The following PARD3B variants were observed in gnomAD, a reference collection of about 807,000 sequenced individuals.
The protein encoded by PARD3B is partitioning defective 3 homolog B.
PARD3B carries 103 observed loss-of-function variants against 130.2 expected under a neutral mutation model. The ratio of observed to expected loss-of-function variants is 0.79; its 90% CI spans 0.67 to 0.93. The LOEUF (loss-of-function observed/expected upper bound fraction) is 0.93. PARD3B is among the 40% of genes least tolerant of loss of function. The pLI is 0.00. For missense variants in PARD3B, 1,609 were observed against 1,499.2 expected, an observed-to-expected ratio of 1.07 and a Z score of -1.21; for synonymous variants, 583 against 553.2, an observed-to-expected ratio of 1.05 and a Z score of -0.76.
At chr2:205,448,915 C>T (rs916648028) in intron 20 of PARD3B, among the ~76,000 whole-genome samples, 1 of 152,040 alleles carries the variant, frequency 6.6e-6, no homozygotes, top group East Asian at 1.9e-4. Context: ...GCCTGTAATC[C>T]CAGCACTTTG....
intron 2 of PARD3B, among the ~76,000 whole-genome samples, chr2:204,964,806 TAA>T (rs1275834029): frequency 6.6e-6 from 1 of 152,152 alleles, no homozygotes; most frequent in Non-Finnish European, 1.5e-5. Flanking sequence ...AAGCACTCTT[TAA>T]TAAAGAGTTA....
At chr2:204,877,990 G>A (rs773358825) in intron 2 of PARD3B, among the ~76,000 whole-genome samples, 7 of 152,260 alleles carry the variant, frequency 4.6e-5, no homozygotes, top group South Asian at 2.1e-4. Context: ...TAGACAGGTT[G>A]TAAATGAAAA....
intron 18 of PARD3B, among the ~76,000 whole-genome samples, chr2:205,308,621 C>CAAAAA (rs1252730210): frequency 5.4e-5 from 5 of 93,072 alleles, no homozygotes; most frequent in Admixed American, 2.6e-4. Context: ...AAAAAAAAAC[C>CAAAAA]AAACAACAAA....
In PARD3B at chr2:205,446,919, G is replaced by C. The variant is rs1314821041; in HGVS notation, c.3044+6247G>C. 6.6e-6 allele frequency among the ~76,000 whole-genome samples: 1 copy of C among 152,198 alleles called. No individual in the cohort carries two copies. The highest frequency in any genetic ancestry group is 1.9e-4 in the East Asian group (1 of 5,188). On this transcript the variant is annotated intron_variant, in intron 20 of 22. Transcript: ENST00000406610. This position sits in a 1 kb window ranked among gnomAD's most constrained non-coding sequence, Gnocchi z 4.4. ...CAAAACAGTTCCAAATAGGGGGCTA[G>C]AAGGTATATGTGGCACACAGCACAA...
chr2:205,339,121 G>A (rs2043423384), intron 18 of PARD3B, among the ~76,000 whole-genome samples: 1 of 152,064 alleles, frequency 6.6e-6, no homozygotes, highest in Non-Finnish European at 1.5e-5. Flanking sequence ...AGCATCTCTT[G>A]ATGTAATGAT....
intron 18 of PARD3B, among the ~76,000 whole-genome samples, chr2:205,398,875 T>A (rs1166639060): frequency 6.6e-6 from 1 of 152,124 alleles, no homozygotes; most frequent in Non-Finnish European, 1.5e-5. Context: ...TCTTCAAAAT[T>A]TATATGTCAG....
At chr2:205,357,311 T>C (rs936636208) in intron 18 of PARD3B, among the ~76,000 whole-genome samples, 21 of 152,232 alleles carry the variant, frequency 1.4e-4, no homozygotes, top group African/African-American at 5.1e-4. Flanking sequence ...TGACTAGGTC[T>C]TACACACTTC....
chr2:204,801,434 C>T (rs2042564060), intron 2 of PARD3B, among the ~76,000 whole-genome samples: 1 of 152,074 alleles, frequency 6.6e-6, no homozygotes, highest in South Asian at 2.1e-4. Context: ...CTTCACATCC[C>T]TTGTAAGTTG....
intron 6 of PARD3B, among the ~76,000 whole-genome samples, chr2:205,115,732 T>C (rs1703976593): frequency 6.6e-6 from 1 of 152,166 alleles, no homozygotes; most frequent in African/African-American, 2.4e-5. Context: ...CAACTGTGTA[T>C]AGAGCATGTC....
chr2:205,485,552 T>G (rs1224181293), intron 20 of PARD3B, among the ~76,000 whole-genome samples: 1 of 152,170 alleles, frequency 6.6e-6, no homozygotes, highest in Non-Finnish European at 1.5e-5. Flanking sequence ...TTGTGATATA[T>G]GGGGTTACAG....
rs901723112 is a variant in PARD3B, at chr2:205,121,921, A to G, written c.1137A>G (p.Ala379=). The change falls in exon 8 of 23, where the codon GCA becomes GCG. Residue 379 remains alanine (A), a synonymous_variant. Coordinates refer to ENST00000406610, the MANE Select transcript of PARD3B (RefSeq NM_001302769.2). The surrounding 1 kb of genome is among the most constrained non-coding windows in gnomAD (Gnocchi z 5.0). The part of the protein sequence containing the change: ...PLMGFGSNKN[A]KKIKIDLKKG... ...TGGGATTTGGCAGCAATAAAAATGC[A>G]AAGAAAATTAAGATTGACCTAAAGA... 1.2e-6 allele frequency: 2 copies of G among 1,611,310 alleles called. No homozygotes were observed.
At chr2:205,090,085 G>T (rs1702011506) in intron 4 of PARD3B, among the ~76,000 whole-genome samples, 1 of 152,170 alleles carries the variant, frequency 6.6e-6, no homozygotes, top group African/African-American at 2.4e-5. Flanking sequence ...GAAGAGCAAG[G>T]TTTACATCAC....
chr2:205,465,873 G>A (rs1037848234), intron 20 of PARD3B, among the ~76,000 whole-genome samples: 8 of 152,236 alleles, frequency 5.3e-5, no homozygotes, highest in African/African-American at 1.7e-4. Context: ...GTGATAGGTT[G>A]AAAGCTGCCT....
intron 2 of PARD3B, among the ~76,000 whole-genome samples, chr2:204,950,369 T>A (rs1433549719): frequency 3.3e-5 from 5 of 152,228 alleles, no homozygotes; most frequent in African/African-American, 9.6e-5. Flanking sequence ...TCAGAGAAGC[T>A]AAATAACTTC....
At chr2:204,977,461 T>C (rs930487069) in intron 3 of PARD3B, among the ~76,000 whole-genome samples, 2 of 152,210 alleles carry the variant, frequency 1.3e-5, no homozygotes, top group Non-Finnish European at 2.9e-5. Flanking sequence ...GAATTTCAAA[T>C]AAAAAGATTA....
chr2:204,825,636 T>C (rs2043538709), intron 2 of PARD3B, among the ~76,000 whole-genome samples: 1 of 152,198 alleles, frequency 6.6e-6, no homozygotes, highest in African/African-American at 2.4e-5. Context: ...GGATCTGGCA[T>C]TGGAGAGTGG....
intron 1 of PARD3B, among the ~76,000 whole-genome samples, chr2:204,559,024 C>T (rs940585165): frequency 1.3e-5 from 2 of 152,136 alleles, no homozygotes; most frequent in South Asian, 2.1e-4. Flanking sequence ...TTCCTTACAC[C>T]TTATACAAAA....
chr2:205,345,394 G>A (rs1462946198), intron 18 of PARD3B, among the ~76,000 whole-genome samples: 2 of 152,052 alleles, frequency 1.3e-5, no homozygotes, highest in African/African-American at 4.8e-5. Context: ...CTGGGTATAG[G>A]AGATATCTCT....
At chr2:205,266,100 C>T (rs1261227016) in intron 16 of PARD3B, among the ~76,000 whole-genome samples, 4 of 152,162 alleles carry the variant, frequency 2.6e-5, no homozygotes, top group East Asian at 1.9e-4. Context: ...GCCTTTTAGA[C>T]TTCCGTTTCA....
Sources: gnomAD v4.1 joint callset for allele counts (sites outside exome capture counted in the v4.1 genomes callset) on GRCh38, gnomAD v4.1.1 for gene constraint, Gnocchi (gnomAD v3.1) non-coding constraint, MANE v1.5 for transcripts, NCBI Gene and HGNC (gene_info 2026-07-23, HGNC 2026-07-21) for gene names.